Variants in IGSF5 observed in about 807,000 individuals in gnomAD.
The protein encoded by IGSF5 is immunoglobulin superfamily 5 like.
A neutral mutation model predicts 39.4 loss-of-function variants in IGSF5; 41 were observed. The ratio of observed to expected loss-of-function variants is 1.04; its 90% CI spans 0.81 to 1.35. IGSF5 has a LOEUF of 1.35. Ranked by LOEUF, IGSF5 falls within the 40% of genes most tolerant of loss-of-function variation. The pLI is 0.00. For synonymous variants in IGSF5, 183 were observed against 175.3 expected (o/e 1.04, Z -0.34); for missense variants, 487 against 494.6 (o/e 0.98, Z 0.15).
upstream of IGSF5, among the ~76,000 whole-genome samples, chr21:39,740,676 C>A (rs373877840): frequency 9.8e-5 from 15 of 152,294 alleles, 1 homozygote; most frequent in African/African-American, 3.6e-4. Flanking sequence ...GTCAAGGGAA[C>A]CTCTAAATGG....
the IGSF5 span, among the ~76,000 whole-genome samples, chr21:39,717,477 T>C: frequency 6.6e-6 from 1 of 152,236 alleles, no homozygotes. Context: ...GTTTTGGGTT[T>C]TACATTTAAG....
intron 6 of IGSF5, 136 bp downstream of exon 6, chr21:39,788,324 C>T: frequency 1.5e-6 from 1 of 647,300 alleles, no homozygotes. Flanking sequence ...CAGAGGTAGA[C>T]AATGCTGAAA....
intron 2 of IGSF5, among the ~76,000 whole-genome samples, chr21:39,760,396 AC>A (rs1459393045): frequency 1.3e-5 from 2 of 152,138 alleles, no homozygotes; most frequent in African/African-American, 4.8e-5. Context: ...GACAATTGTA[AC>A]CCCCGAACAA....
intron 4 of IGSF5, among the ~76,000 whole-genome samples, chr21:39,773,287 G>A (rs778424005): frequency 2.0e-5 from 3 of 152,060 alleles, no homozygotes; most frequent in Admixed American, 6.6e-5. Flanking sequence ...CTCCATCCAC[G>A]TCCTTGCAAA....
intron 2 of IGSF5, among the ~76,000 whole-genome samples, chr21:39,757,647 G>A (rs2080038177): frequency 6.7e-6 from 1 of 148,788 alleles, no homozygotes; most frequent in African/African-American, 2.5e-5. Context: ...CGTGATCTCT[G>A]CTCACTGCAA....
chr21:39,778,353 T>C (rs1262611384), intron 4 of IGSF5, among the ~76,000 whole-genome samples: 2 of 152,202 alleles, frequency 1.3e-5, no homozygotes, highest in Non-Finnish European at 2.9e-5. Flanking sequence ...GCTTAAGACA[T>C]GGTGGAAAAG....
At chr21:39,726,802 C>G in the IGSF5 span, among the ~76,000 whole-genome samples, 1 of 152,186 alleles carries the variant, frequency 6.6e-6, no homozygotes, top group Admixed American at 6.5e-5. Context: ...AATGACATCT[C>G]AAACAGAAAC....
upstream of IGSF5, among the ~76,000 whole-genome samples, chr21:39,742,660 T>C (rs531674931): frequency 2.0e-5 from 3 of 152,350 alleles, no homozygotes; most frequent in South Asian, 4.1e-4. Context: ...CAATCTTTTT[T>C]AAAGTGTCCT....
chr21:39,723,518 G>T, the IGSF5 span, among the ~76,000 whole-genome samples: 4 of 152,182 alleles, frequency 2.6e-5, no homozygotes, highest in African/African-American at 9.7e-5. Flanking sequence ...CACAGAGTAT[G>T]ATTACTGGAG....
At chr21:39,726,859 G>A in the IGSF5 span, among the ~76,000 whole-genome samples, 1 of 151,954 alleles carries the variant, frequency 6.6e-6, no homozygotes, top group Non-Finnish European at 1.5e-5. Flanking sequence ...TCATCAAAGA[G>A]GTGTGCCATG....
At chr21:39,791,846 C>T (rs750102105) in intron 6 of IGSF5, 162 bp from the exon 7 acceptor site, 2 of 584,020 alleles carry the variant, frequency 3.4e-6, no homozygotes, top group Non-Finnish European at 3.1e-6. Context: ...GGCGTGCATA[C>T]CTGCAACGCA....
intron 3 of IGSF5, among the ~76,000 whole-genome samples, chr21:39,767,417 G>C (rs1008409920): frequency 6.6e-6 from 1 of 152,138 alleles, no homozygotes; most frequent in Admixed American, 6.5e-5. Context: ...GTGCAGACTT[G>C]GGGCTTGGCT....
At chr21:39,790,362 C>T (rs1199603003) in intron 6 of IGSF5, among the ~76,000 whole-genome samples, 2 of 152,146 alleles carry the variant, frequency 1.3e-5, no homozygotes, top group Admixed American at 1.3e-4. Context: ...GGGACCATTA[C>T]AAACACTACT....
chr21:39,785,380 T>C (rs531968651), intron 5 of IGSF5, among the ~76,000 whole-genome samples: 1 of 152,288 alleles, frequency 6.6e-6, no homozygotes, highest in South Asian at 2.1e-4. Flanking sequence ...TATGCGGTGT[T>C]ATTTCTGAGG....
intron 4 of IGSF5, among the ~76,000 whole-genome samples, chr21:39,773,104 T>C (rs367941806): frequency 6.6e-6 from 1 of 152,138 alleles, no homozygotes; most frequent in African/African-American, 2.4e-5. Flanking sequence ...CATTAGTTAT[T>C]TTTCCTGCTT....
the IGSF5 span, among the ~76,000 whole-genome samples, chr21:39,719,692 C>G: frequency 6.6e-6 from 1 of 152,226 alleles, no homozygotes; most frequent in African/African-American, 2.4e-5. Flanking sequence ...GCACATCACA[C>G]CACTCTCACT....
chr21:39,744,927 C>T (rs2079965396), upstream of IGSF5, among the ~76,000 whole-genome samples: 3 of 152,204 alleles, frequency 2.0e-5, no homozygotes, highest in South Asian at 6.2e-4. Flanking sequence ...GGCCTCAGTG[C>T]TTTCGGGCTA....
intron 5 of IGSF5, 38 bp from the exon 6 acceptor site, chr21:39,788,129 T>G: frequency 6.5e-7 from 1 of 1,530,968 alleles, no homozygotes; most frequent in South Asian, 1.2e-5. Flanking sequence ...AGAATAAGTA[T>G]CCCGATTTTT....
chr21:39,726,471 G>C, the IGSF5 span, among the ~76,000 whole-genome samples: 3 of 152,064 alleles, frequency 2.0e-5, no homozygotes, highest in African/African-American at 7.2e-5. Context: ...TGCCGCATCC[G>C]GTGGTGTTAG....
Sources: allele counts gnomAD v4.1 joint callset (sites outside exome capture counted in the v4.1 genomes callset), GRCh38; gene constraint gnomAD v4.1.1; transcripts MANE v1.5; gene names NCBI Gene and HGNC (gene_info 2026-07-23, HGNC 2026-07-21).